Variants in TRIO observed in about 807,000 individuals in gnomAD.
TRIO encodes the protein trio Rho guanine nucleotide exchange factor.
A neutral mutation model predicts 351.9 loss-of-function variants in TRIO; 58 were observed. The observed-to-expected ratio is 0.16, with a 90% CI of 0.13 to 0.21. The LOEUF (loss-of-function observed/expected upper bound fraction) is 0.21. Ranked by LOEUF, TRIO falls within the 10% of genes least tolerant of loss-of-function variation. The pLI is 1.00. For missense variants in TRIO, 3,201 were observed against 4,027.8 expected, an observed-to-expected ratio of 0.79 and a Z score of 5.56; for synonymous variants, 1,758 against 1,595.7, an observed-to-expected ratio of 1.10 and a Z score of -2.42.
At chr5:14,197,452 TTCTTG>T (rs1305014037) in intron 1 of TRIO, among the ~76,000 whole-genome samples, 8 of 152,174 alleles carry the variant, frequency 5.3e-5, no homozygotes, top group Non-Finnish European at 7.3e-5. Context: ...TCCCTCTCTT[TTCTTG>T]TCTTCTTCTT....
intron 1 of TRIO, among the ~76,000 whole-genome samples, chr5:14,213,425 G>T (rs1313400204): frequency 6.6e-6 from 1 of 151,560 alleles, no homozygotes; most frequent in South Asian, 2.1e-4. Context: ...TAGCAGAGGC[G>T]AGCAGGCTAC....
intron 55 of TRIO, among the ~76,000 whole-genome samples, chr5:14,506,182 T>C (rs569306317): frequency 6.6e-6 from 1 of 152,334 alleles, no homozygotes; most frequent in East Asian, 1.9e-4. Flanking sequence ...GCTTGAGTGC[T>C]TGTCACAAAT....
chr5:14,458,268 T>C (rs538856703), intron 34 of TRIO, among the ~76,000 whole-genome samples: 3 of 152,292 alleles, frequency 2.0e-5, no homozygotes, highest in South Asian at 4.1e-4. Flanking sequence ...TTCTGATGTT[T>C]CCATGTAATA....
chr5:14,281,756 G>A (rs1736024704), intron 3 of TRIO, among the ~76,000 whole-genome samples: 1 of 152,090 alleles, frequency 6.6e-6, no homozygotes, highest in Non-Finnish European at 1.5e-5. Flanking sequence ...AGAGTGAGAG[G>A]AGGTGTTTCC....
chr5:14,279,211 A>G (rs1735785799), intron 2 of TRIO, among the ~76,000 whole-genome samples: 1 of 152,252 alleles, frequency 6.6e-6, no homozygotes, highest in African/African-American at 2.4e-5. Flanking sequence ...AAGTATTCCC[A>G]ATCAAAATGA....
chr5:14,329,700 A>G (rs568566455), intron 9 of TRIO, among the ~76,000 whole-genome samples: 2 of 152,364 alleles, frequency 1.3e-5, no homozygotes, highest in Non-Finnish European at 2.9e-5. Context: ...TTAAATATTT[A>G]AAATCTTTTA....
At chr5:14,478,093 TA>T (rs35932957) in intron 41 of TRIO, among the ~76,000 whole-genome samples, 3,317 of 152,070 alleles carry the variant, frequency 0.022, 53 homozygotes, top group Admixed American at 0.047. Context: ...TGGTGGTCCA[TA>T]AAAAAAAGTG....
At chr5:14,227,300 T>C (rs1487837299) in intron 1 of TRIO, among the ~76,000 whole-genome samples, 2 of 152,192 alleles carry the variant, frequency 1.3e-5, no homozygotes, top group African/African-American at 4.8e-5. Context: ...GGATATTTTC[T>C]ATCAGTCATA....
intron 34 of TRIO, among the ~76,000 whole-genome samples, chr5:14,437,781 A>G (rs1751714496): frequency 6.6e-6 from 1 of 151,214 alleles, no homozygotes; most frequent in Non-Finnish European, 1.5e-5. Flanking sequence ...GGCTTGGGAC[A>G]TCAGCATAGG....
intron 1 of TRIO, among the ~76,000 whole-genome samples, chr5:14,177,661 C>A (rs1046957514): frequency 5.3e-5 from 8 of 152,184 alleles, no homozygotes; most frequent in African/African-American, 1.9e-4. Context: ...GTCCCAGAGC[C>A]CAGGACCCCT....
At chr5:14,386,825 A>G (rs1409625641) in intron 21 of TRIO, among the ~76,000 whole-genome samples, 1 of 151,764 alleles carries the variant, frequency 6.6e-6, no homozygotes, top group Non-Finnish European at 1.5e-5. Context: ...ACAGGGAAAC[A>G]AAATTTACAG....
At chr5:14,252,961 A>G (rs2463803) in intron 1 of TRIO, among the ~76,000 whole-genome samples, 9,868 of 151,064 alleles carry the variant, frequency 0.065, 386 homozygotes, top group African/African-American at 0.11. Context: ...CACTGCTATC[A>G]TTTCGCCTCA....
chr5:14,210,805 A>G (rs1791842403), intron 1 of TRIO, among the ~76,000 whole-genome samples: 1 of 152,194 alleles, frequency 6.6e-6, no homozygotes, highest in Non-Finnish European at 1.5e-5. Flanking sequence ...TAAAATTAAA[A>G]TTTGAATTCA....
At chr5:14,344,139 A>G (rs1437993742) in intron 11 of TRIO, among the ~76,000 whole-genome samples, 1 of 152,226 alleles carries the variant, frequency 6.6e-6, no homozygotes. Context: ...GAGTAATTAA[A>G]TATGTCCACC....
At chr5:14,353,801 G>A (rs1478959703) in intron 11 of TRIO, among the ~76,000 whole-genome samples, 1 of 152,218 alleles carries the variant, frequency 6.6e-6, no homozygotes, top group Non-Finnish European at 1.5e-5. Flanking sequence ...CTCTTAGGCT[G>A]TTGCAGTGGA....
intron 13 of TRIO, among the ~76,000 whole-genome samples, chr5:14,359,951 C>G (rs1934948881): frequency 6.6e-6 from 1 of 152,150 alleles, no homozygotes; most frequent in South Asian, 2.1e-4. Context: ...TCCTCCCTGT[C>G]GTCTTCTCAT....
intron 29 of TRIO, among the ~76,000 whole-genome samples, chr5:14,398,220 T>TA (rs1347226512): frequency 1.3e-5 from 2 of 152,200 alleles, no homozygotes; most frequent in African/African-American, 4.8e-5. Flanking sequence ...GGGCTGGCTT[T>TA]ACTAAGCCCT....
chr5:14,305,874 G>T lies in TRIO; in HGVS notation c.1500+1282G>T, dbSNP rs1233531021. Among the ~76,000 whole-genome samples, 4 of 152,322 alleles carry T rather than the reference G, an allele frequency of 2.6e-5. No homozygotes were observed. In the East Asian group the frequency reaches 7.7e-4, roughly 29 times the overall value. On this transcript the variant is annotated intron_variant, in intron 8 of 56. Coordinates refer to ENST00000344204, the MANE Select transcript of TRIO (RefSeq NM_007118.4). ...TAAGATTATAATATTGTATTTTACT[G>T]TACTTTTTCTATGTTTAGATACACA... is the stretch of plus-strand genomic sequence containing the variant.
At chr5:14,420,170 C>T in intron 34 of TRIO, 149 bp downstream of exon 34, 1 of 1,177,622 alleles carries the variant, frequency 8.5e-7, no homozygotes, top group East Asian at 2.6e-5. Flanking sequence ...CGGGCATTTC[C>T]AGTCCATCAG....
Sources: gnomAD v4.1 joint callset for allele counts (sites outside exome capture counted in the v4.1 genomes callset) on GRCh38, gnomAD v4.1.1 for gene constraint, MANE v1.5 for transcripts, NCBI Gene and HGNC (gene_info 2026-07-23, HGNC 2026-07-21) for gene names.